Variants in DPP10 observed in about 807,000 individuals in gnomAD.
DPP10 encodes dipeptidyl peptidase like 10, also known as inactive dipeptidyl peptidase 10.
A neutral mutation model predicts 120.9 loss-of-function variants in DPP10; 33 were observed. The ratio of observed to expected loss-of-function variants is 0.27; its 90% confidence interval spans 0.21 to 0.37. DPP10 has a LOEUF of 0.37. Among genes scored for constraint, DPP10 ranks in the 10% least tolerant of loss-of-function variants. The pLI, the probability that DPP10 is intolerant of heterozygous loss-of-function variation, is 1.00. For synonymous variants in DPP10, 337 were observed against 326.1 expected, an observed-to-expected ratio of 1.03 and a Z score of -0.36; for missense variants, 816 against 942.8, an observed-to-expected ratio of 0.87 and a Z score of 1.76.
intron 1 of DPP10, among the ~76,000 whole-genome samples, chr2:115,195,822 AG>A (rs2055221930): frequency 6.6e-6 from 1 of 152,204 alleles, no homozygotes. Context: ...ACAAAGCAAC[AG>A]GGCAATTCTT....
At chr2:115,351,461 A>G (rs1381081192) in intron 3 of DPP10, among the ~76,000 whole-genome samples, 4 of 152,006 alleles carry the variant, frequency 2.6e-5, no homozygotes, top group African/African-American at 9.7e-5. Flanking sequence ...ATGAAGTCCA[A>G]ATCTCAGTAT....
chr2:115,606,854 T>C (rs1269369794), intron 5 of DPP10, among the ~76,000 whole-genome samples: 1 of 152,188 alleles, frequency 6.6e-6, no homozygotes. Flanking sequence ...CTTTGTCCTT[T>C]ATTGATATGG....
intron 2 of DPP10, among the ~76,000 whole-genome samples, chr2:115,326,693 G>A (rs1325110456): frequency 6.6e-6 from 1 of 151,898 alleles, no homozygotes; most frequent in African/African-American, 2.4e-5. Flanking sequence ...GCTAATATGT[G>A]TGTGTTTATG....
Position 115,566,653 on chromosome 2 carries a change from C to T in DPP10, c.441+40681C>T, listed in dbSNP as rs565049732. Among the ~76,000 whole-genome samples, 14 of 152,242 alleles carry T rather than the reference C, an allele frequency of 9.2e-5. No homozygotes were observed. The South Asian group carries it at 2.9e-3, about 32-fold the overall frequency. ...TAAGTTTTTCCAGGCTCATTTTGAA[C>T]ATATCCTGCTCCAATTCAAGAATGA... On this transcript the variant is annotated intron_variant, in intron 5 of 25. Transcript: ENST00000410059.
At chr2:115,066,970 A>G (rs1249201945) in intron 1 of DPP10, among the ~76,000 whole-genome samples, 2 of 152,230 alleles carry the variant, frequency 1.3e-5, no homozygotes, top group Non-Finnish European at 2.9e-5. Context: ...ACGGTACAGT[A>G]TAATTAATGA....
intron 1 of DPP10, among the ~76,000 whole-genome samples, chr2:115,208,454 A>T (rs1205539031): frequency 6.6e-6 from 1 of 152,156 alleles, no homozygotes; most frequent in Admixed American, 6.6e-5. Context: ...CTTTTAATGT[A>T]ATTATACATT....
At chr2:115,711,242 G>T (rs1365614692) in intron 7 of DPP10, among the ~76,000 whole-genome samples, 1 of 152,062 alleles carries the variant, frequency 6.6e-6, no homozygotes, top group African/African-American at 2.4e-5. Context: ...ACATTAATTT[G>T]CAGAAAAGAA....
intron 1 of DPP10, among the ~76,000 whole-genome samples, chr2:115,242,712 G>A (rs1304277011): frequency 6.7e-6 from 1 of 149,932 alleles, no homozygotes; most frequent in Non-Finnish European, 1.5e-5. Flanking sequence ...TATTGCCAGA[G>A]TAAGGTGGTA....
intron 5 of DPP10, among the ~76,000 whole-genome samples, chr2:115,599,767 T>C (rs1455200428): frequency 6.6e-6 from 1 of 152,200 alleles, no homozygotes; most frequent in Non-Finnish European, 1.5e-5. Flanking sequence ...TCTGTTCTAT[T>C]TTACCTCCAA....
At chr2:114,786,299 C>A (rs891916291) in intron 1 of DPP10, among the ~76,000 whole-genome samples, 1 of 152,126 alleles carries the variant, frequency 6.6e-6, no homozygotes, top group Non-Finnish European at 1.5e-5. Flanking sequence ...GTGTTTGGTG[C>A]AACTTACTTC....
intron 7 of DPP10, among the ~76,000 whole-genome samples, chr2:115,725,351 AG>A (rs1355347362): frequency 2.0e-5 from 3 of 152,160 alleles, no homozygotes; most frequent in Non-Finnish European, 4.4e-5. Flanking sequence ...ATAATTGAAA[AG>A]GGATTAGGAT....
chr2:114,960,583 G>A (rs974251991), intron 1 of DPP10, among the ~76,000 whole-genome samples: 5 of 151,962 alleles, frequency 3.3e-5, no homozygotes, highest in African/African-American at 1.2e-4. Context: ...TAAGTTTTTC[G>A]CTTACTCAGG....
chr2:115,252,906 A>G (rs1306221096), intron 1 of DPP10, among the ~76,000 whole-genome samples: 1 of 152,214 alleles, frequency 6.6e-6, no homozygotes, highest in African/African-American at 2.4e-5. Context: ...ATTTTGACCC[A>G]TAGTTCCAGC....
intron 1 of DPP10, among the ~76,000 whole-genome samples, chr2:115,258,174 T>A (rs1239859757): frequency 3.9e-5 from 6 of 152,172 alleles, no homozygotes; most frequent in Non-Finnish European, 7.4e-5. Context: ...TGAAATAGAT[T>A]TTGTTATACT....
Position 115,331,811 on chromosome 2 carries a change from T to C in DPP10, c.176-12006T>C, listed in dbSNP as rs944088170. ...GTGGATAAGCTTTTTGATGTGCTGC[T>C]GGATTCGGTTTGCCAGTATTTTATT... On this transcript the variant is annotated intron_variant, in intron 2 of 25. Coordinates refer to ENST00000410059, the MANE Select transcript of DPP10 (RefSeq NM_020868.6). Among the ~76,000 whole-genome samples, 14 of 152,222 alleles carry C rather than the reference T, an allele frequency of 9.2e-5. No individual in the cohort carries two copies. The East Asian group carries it at 2.7e-3, about 29-fold the overall frequency.
At chr2:115,213,208 G>T (rs976757906) in intron 1 of DPP10, among the ~76,000 whole-genome samples, 4 of 152,096 alleles carry the variant, frequency 2.6e-5, no homozygotes, top group African/African-American at 9.7e-5. Context: ...AGGATATCTT[G>T]CATTTTTACT....
intron 3 of DPP10, among the ~76,000 whole-genome samples, chr2:115,417,627 C>G (rs2069550641): frequency 6.6e-6 from 1 of 152,060 alleles, no homozygotes. Flanking sequence ...CAAAAGGAGA[C>G]CAAGTTTTTC....
At chr2:115,637,681 G>A (rs191301694) in intron 5 of DPP10, among the ~76,000 whole-genome samples, 12 of 152,204 alleles carry the variant, frequency 7.9e-5, no homozygotes, top group East Asian at 3.9e-4. Flanking sequence ...AGTGAGCCCC[G>A]AAATAGAACA....
intron 1 of DPP10, among the ~76,000 whole-genome samples, chr2:115,303,216 AT>A (rs2061220087): frequency 6.6e-6 from 1 of 151,868 alleles, no homozygotes; most frequent in Non-Finnish European, 1.5e-5. Flanking sequence ...AAAATTTAGA[AT>A]TTTTTTCTGC....
Sources: gnomAD v4.1 joint callset for allele counts (sites outside exome capture counted in the v4.1 genomes callset) on GRCh38, gnomAD v4.1.1 for gene constraint, MANE v1.5 for transcripts, NCBI Gene and HGNC (gene_info 2026-07-23, HGNC 2026-07-21) for gene names.